OPCML: variants seen among roughly 807,000 people sequenced by gnomAD.
OPCML encodes the protein opioid-binding protein/cell adhesion molecule.
OPCML carries 13 observed loss-of-function variants against 37.8 expected under a neutral mutation model. That is an observed-to-expected ratio of 0.34 (90% CI 0.22 to 0.55). The LOEUF (loss-of-function observed/expected upper bound fraction) is 0.55, where lower values mean the gene tolerates loss of function less well. Ranked by LOEUF, OPCML falls within the 20% of genes least tolerant of loss-of-function variation. The pLI, the probability that OPCML is intolerant of heterozygous loss-of-function variation, is 0.91. For synonymous variants in OPCML, 176 were observed against 168.8 expected, an observed-to-expected ratio of 1.04 and a Z score of -0.33; for missense variants, 341 against 435.6, an observed-to-expected ratio of 0.78 and a Z score of 1.93.
chr11:132,643,623 C>A (rs1940985022), intron 3 of OPCML, among the ~76,000 whole-genome samples: 1 of 152,170 alleles, frequency 6.6e-6, no homozygotes, highest in African/African-American at 2.4e-5. Flanking sequence ...TGGCTCTTTG[C>A]AGGCATCTTC....
chr11:132,465,317 G>A (rs967505036), intron 4 of OPCML, among the ~76,000 whole-genome samples: 6 of 152,210 alleles, frequency 3.9e-5, no homozygotes, highest in South Asian at 4.1e-4. Flanking sequence ...TTCACTCTCC[G>A]CTAGGGTACC....
chr11:133,196,396 A>G (rs1014000649), intron 1 of OPCML, among the ~76,000 whole-genome samples: 1 of 152,194 alleles, frequency 6.6e-6, no homozygotes, highest in East Asian at 1.9e-4. Flanking sequence ...CCACCCAGCG[A>G]TCCTTTCAGA....
intron 2 of OPCML, among the ~76,000 whole-genome samples, chr11:132,938,969 A>G (rs1021519078): frequency 6.6e-6 from 1 of 152,142 alleles, no homozygotes; most frequent in African/African-American, 2.4e-5. Context: ...ATTTCTAAAA[A>G]GCATCCCAGA....
At chr11:133,386,127 G>A (rs761732651) in intron 1 of OPCML, among the ~76,000 whole-genome samples, 7 of 152,282 alleles carry the variant, frequency 4.6e-5, no homozygotes, top group Middle Eastern at 3.4e-3. Flanking sequence ...AATGCAGCAC[G>A]GAGGCGAATG....
intron 1 of OPCML, among the ~76,000 whole-genome samples, chr11:133,166,748 G>C (rs1950213909): frequency 6.6e-6 from 1 of 152,146 alleles, no homozygotes; most frequent in South Asian, 2.1e-4. Context: ...AAGCCAATTT[G>C]GTTACTAAGC....
intron 1 of OPCML, among the ~76,000 whole-genome samples, chr11:133,512,545 G>A (rs1399371238): frequency 6.6e-6 from 1 of 152,134 alleles, no homozygotes; most frequent in Non-Finnish European, 1.5e-5. Context: ...CTGGTGATTA[G>A]CTCAACCTTC....
At chr11:133,042,047 TG>T (rs1429949973) in intron 1 of OPCML, among the ~76,000 whole-genome samples, 1 of 151,494 alleles carries the variant, frequency 6.6e-6, no homozygotes, top group African/African-American at 2.4e-5. Flanking sequence ...AGCTGGGGGG[TG>T]GGGGGAGCCT....
At chr11:132,967,647 A>G (rs1356513475) in intron 1 of OPCML, among the ~76,000 whole-genome samples, 1 of 152,116 alleles carries the variant, frequency 6.6e-6, no homozygotes, top group Non-Finnish European at 1.5e-5. Flanking sequence ...TGCTTTCTAC[A>G]ATTGTTTTCT....
chr11:132,700,526 A>T (rs1943765788), intron 2 of OPCML, among the ~76,000 whole-genome samples: 1 of 152,010 alleles, frequency 6.6e-6, no homozygotes, highest in South Asian at 2.1e-4. Context: ...TATCCTTTTG[A>T]TTTCTTCTTT....
intron 1 of OPCML, among the ~76,000 whole-genome samples, chr11:133,485,630 C>A (rs1947510188): frequency 6.6e-6 from 1 of 152,196 alleles, no homozygotes; most frequent in Admixed American, 6.6e-5. Context: ...GAGCTTGCAG[C>A]AAAACATCTC....
chr11:132,798,839 A>G (rs1938480672), intron 2 of OPCML, among the ~76,000 whole-genome samples: 1 of 152,232 alleles, frequency 6.6e-6, no homozygotes, highest in Non-Finnish European at 1.5e-5. Context: ...CTCTCCTTGT[A>G]CATCTCCATC....
At position 132,419,533 on chromosome 11, in the gene OPCML, G is replaced by T. The variant is rs1388726877; in HGVS notation, c.*660C>A. 1 of 152,140 alleles carries T rather than the reference G, an allele frequency of 6.6e-6. No homozygotes were observed. The highest frequency in any genetic ancestry group is 1.5e-5 in the Non-Finnish European group (1 of 68,036). The allele number at this position is 152,140 out of a possible 1,614,324, so 9.4% of individuals were successfully genotyped here. ...TGCAAAATTTAGTGTTGGGTTTCAT[G>T]CATAGCCCCAAACTTCAAATCTCTG... On this transcript the variant is annotated 3_prime_UTR_variant, in exon 8 of 8. Coordinates refer to ENST00000524381, the MANE Select transcript of OPCML (RefSeq NM_001012393.5).
chr11:132,478,368 G>C (rs1364029973), intron 4 of OPCML, among the ~76,000 whole-genome samples: 2 of 152,204 alleles, frequency 1.3e-5, no homozygotes, highest in Non-Finnish European at 2.9e-5. Flanking sequence ...CTGGCACACA[G>C]TAGGTGCTTA....
At chr11:133,196,217 C>T (rs1318314763) in intron 1 of OPCML, among the ~76,000 whole-genome samples, 2 of 152,192 alleles carry the variant, frequency 1.3e-5, no homozygotes, top group Non-Finnish European at 2.9e-5. Context: ...GTGGAATTTC[C>T]TGGACTCCCT....
intron 1 of OPCML, among the ~76,000 whole-genome samples, chr11:132,977,503 A>C (rs1352089112): frequency 6.6e-6 from 1 of 152,168 alleles, no homozygotes. Flanking sequence ...TGTGTATCAC[A>C]CTCACTGTAA....
intron 1 of OPCML, among the ~76,000 whole-genome samples, chr11:133,318,704 C>T (rs904164327): frequency 6.6e-6 from 1 of 152,124 alleles, no homozygotes; most frequent in Non-Finnish European, 1.5e-5. Flanking sequence ...CAGTAATGAG[C>T]ACGCTACAGC....
intron 2 of OPCML, among the ~76,000 whole-genome samples, chr11:132,666,420 C>A (rs1479091937): frequency 6.6e-6 from 1 of 152,118 alleles, no homozygotes; most frequent in Non-Finnish European, 1.5e-5. Flanking sequence ...GGCACCATAT[C>A]ATTCATGAGG....
chr11:133,278,576 G>T (rs928013848), intron 1 of OPCML, among the ~76,000 whole-genome samples: 2 of 152,024 alleles, frequency 1.3e-5, no homozygotes, highest in South Asian at 4.2e-4. Context: ...AGTGGGAAGT[G>T]AGAGGGCATA....
At chr11:133,136,828 C>CGT (rs141952561) in intron 1 of OPCML, among the ~76,000 whole-genome samples, 11,076 of 126,228 alleles carry the variant, frequency 0.088, 402 homozygotes, top group Non-Finnish European at 0.1. Context: ...TCTATGTGCA[C>CGT]GTGTGTGTGT....
Sources: gnomAD v4.1 joint callset for allele counts (sites outside exome capture counted in the v4.1 genomes callset) on GRCh38, gnomAD v4.1.1 for gene constraint, MANE v1.5 for transcripts, NCBI Gene and HGNC (gene_info 2026-07-23, HGNC 2026-07-21) for gene names.